The following LCN2 variants were observed in gnomAD, a reference collection of about 807,000 sequenced individuals.
LCN2 encodes the protein lipocalin 2.
A neutral mutation model predicts 26.4 loss-of-function variants in LCN2; 27 were observed. That is an observed-to-expected ratio of 1.02 (90% CI 0.76 to 1.41). The LOEUF (loss-of-function observed/expected upper bound fraction) is 1.41. Among genes scored for constraint, LCN2 ranks in the 40% most tolerant of loss-of-function variants. The probability of loss-of-function intolerance (pLI) is 0.00; values close to 1 mark genes in which losing one functional copy is unlikely to be tolerated. For missense variants in LCN2, 224 were observed against 237.6 expected, an observed-to-expected ratio of 0.94 and a Z score of 0.38; for synonymous variants, 94 against 98.9, an observed-to-expected ratio of 0.95 and a Z score of 0.30.
chr9:128,151,741 A>C (rs1835008547), intron 3 of LCN2, 24 bp downstream of exon 3: 1 of 1,609,140 alleles, frequency 6.2e-7, no homozygotes, highest in Non-Finnish European at 8.5e-7. Context: ...GAGGTGGGGC[A>C]CTGAGTTGGG....
chr9:128,151,530 G>A, intron 2 of LCN2, 108 bp from the exon 3 acceptor site: 1 of 869,476 alleles, frequency 1.2e-6, no homozygotes, highest in Non-Finnish European at 1.9e-6. Context: ...GGTTGGGCCG[G>A]ACTGAGAGCA....
chr9:128,150,301 C>A lies in LCN2; in HGVS notation c.202C>A (p.Pro68Thr), dbSNP rs1443597065. The change falls in exon 2 of 7, where the codon CCG becomes ACG. Residue 68 changes from proline to threonine, a missense_variant. Pro to Thr is a conservative substitution (Grantham distance 38). Transcript: ENST00000277480. ...GNAILREDKD[P>T]QKMYATIYEL... ...TGCAATTCTCAGAGAAGACAAAGAC[C>A]CGCAAAAGATGTATGCCACCATCTA... The A allele has an allele frequency of 6.2e-7, 1 of 1,614,140 alleles. No homozygotes were observed. The highest frequency in any genetic ancestry group is 2.2e-5 in the East Asian group (1 of 44,884).
intron 1 of LCN2, 46 bp from the exon 2 acceptor site, chr9:128,150,192 C>A: frequency 1.3e-6 from 2 of 1,587,676 alleles, no homozygotes; most frequent in Non-Finnish European, 1.7e-6. Context: ...GGAGGGGTGG[C>A]TCCTAGGGCC....
In LCN2 at chr9:128,151,703, T is replaced by C. The variant is rs1835008115; in HGVS notation, c.341T>C (p.Leu114Pro). 2.5e-6 allele frequency: 4 copies of C among 1,613,868 alleles called. No individual in the cohort carries two copies. The Admixed American group carries it at 5.0e-5, about 20-fold the overall frequency. ...GGTTGCCAGCCCGGCGAGTTCACGC[T>C]GGGCAACATTAAGAGTGAGTCTTGA... ...VPGCQPGEFT[L>P]GNIKSYPGLT... The change falls in exon 3 of 7, where the codon CTG becomes CCG. Residue 114 changes from leucine to proline, a missense_variant. Coordinates refer to ENST00000277480, the MANE Select transcript of LCN2 (RefSeq NM_005564.5).
At position 128,151,618 on chromosome 9, in the gene LCN2, AC is replaced by A; in HGVS notation, c.276-17del. The A allele has an allele frequency of 1.2e-6, 2 of 1,608,638 alleles. No homozygotes were observed. Among genetic ancestry groups the A allele is most frequent in the Non-Finnish European group, 1.7e-6 (2 of 1,175,128 alleles). ...GCCTGGGTTGTCTCCCCTCTCACCC[AC>A]CCATCTCTCCCTCCCAAGGAAAAAG... is the stretch of plus-strand genomic sequence containing the variant. On this transcript the variant is annotated intron_variant, in intron 2 of 6. Transcript: ENST00000277480.
rs753351309 is a variant in LCN2, at chr9:128,151,690, G to A, written c.328G>A (p.Gly110Ser). 4.2e-5 allele frequency: 67 copies of A among 1,613,962 alleles called. No individual in the cohort carries two copies. The highest frequency in any genetic ancestry group is 5.5e-5 in the South Asian group (5 of 91,080). Residue 110 changes from glycine (G) to serine (S), a missense_variant, in exon 3 of 7, where the codon GGC becomes AGC. By Grantham distance (56) the Gly-to-Ser change is moderately conservative. Coordinates refer to ENST00000277480, the MANE Select transcript of LCN2 (RefSeq NM_005564.5). ...GACTTTTGTTCCAGGTTGCCAGCCC[G>A]GCGAGTTCACGCTGGGCAACATTAA... ...IRTFVPGCQP[G>S]EFTLGNIKSY...
intron 5 of LCN2, 74 bp downstream of exon 5, chr9:128,152,358 G>A: frequency 1.6e-6 from 2 of 1,290,210 alleles, no homozygotes; most frequent in South Asian, 2.4e-5. Context: ...CCAGGGATCA[G>A]GGAGAGGAGG....
chr9:128,151,330 G>T, intron 2 of LCN2: 1 of 563,784 alleles, frequency 1.8e-6, no homozygotes. Context: ...GGGTGGCGGG[G>T]GGGGTGAAAG....
At chr9:128,149,949 T>A (rs527812476) in intron 1 of LCN2, among the ~76,000 whole-genome samples, 1 of 150,954 alleles carries the variant, frequency 6.6e-6, no homozygotes. Flanking sequence ...CCTGCACAGA[T>A]GAGGAAACTG....
Position 128,151,944 on chromosome 9 carries a change from A to G in LCN2, c.394A>G (p.Ser132Gly). The G allele has an allele frequency of 6.2e-7, 1 of 1,614,116 alleles. No individual in the cohort carries two copies. ...AACGAGTTACCTCGTCCGAGTGGTG[A>G]GCACCAACTACAACCAGCATGCTAT... Reference protein sequence around the residue: ...GLTSYLVRVVSTNYNQHAMVF... With the variant: ...GLTSYLVRVVGTNYNQHAMVF... Residue 132 changes from serine (S) to glycine (G), a missense_variant, in exon 4 of 7, where the codon AGC (serine) becomes GGC (glycine). Coordinates refer to ENST00000277480, the MANE Select transcript of LCN2 (RefSeq NM_005564.5).
chr9:128,152,043 C>T lies in LCN2; in HGVS notation c.475+18C>T. ...CCTCTACGGTGGGTCCTCTCCCATC[C>T]CCTCGGGGACTGGCTCCTGATCACA... On this transcript the variant is annotated intron_variant, in intron 4 of 6. Transcript: ENST00000277480. 2 of 1,613,948 alleles carry T rather than the reference C, an allele frequency of 1.2e-6. No individual in the cohort carries two copies. Among genetic ancestry groups the T allele is most frequent in the Non-Finnish European group, 1.7e-6 (2 of 1,179,900 alleles).
chr9:128,149,684 C>T (rs949339801), intron 1 of LCN2, 21 bp downstream of exon 1: 7 of 1,613,330 alleles, frequency 4.3e-6, no homozygotes, highest in African/African-American at 1.3e-5. Context: ...AAGAGGGGCA[C>T]CTGCAGGCAG....
chr9:128,151,884 C>T, intron 3 of LCN2, 22 bp from the exon 4 acceptor site: 1 of 1,613,758 alleles, frequency 6.2e-7, no homozygotes, highest in Admixed American at 1.7e-5. Flanking sequence ...CAGGGCTGAC[C>T]CCTCACCGTC....
intron 1 of LCN2, 148 bp downstream of exon 1, chr9:128,149,811 C>G (rs900950542): frequency 1.1e-6 from 1 of 923,458 alleles, no homozygotes; most frequent in African/African-American, 1.7e-5. Flanking sequence ...CCACCAGGGT[C>G]CCCTGGTGGA....
intron 5 of LCN2, 119 bp from the exon 6 acceptor site, chr9:128,152,981 T>A: frequency 7.0e-7 from 1 of 1,420,250 alleles, no homozygotes; most frequent in Non-Finnish European, 9.9e-7. Context: ...CTGGGCCAGG[T>A]GGGGCAGGGG....
rs765754849 is a variant in LCN2 at position 128,151,971 on chromosome 9, G to A, written c.421G>A (p.Val141Met). 3 of 1,614,128 alleles carry A rather than the reference G, an allele frequency of 1.9e-6. No homozygotes were observed. In the East Asian group the frequency reaches 6.7e-5, roughly 36 times the overall value. ...CACCAACTACAACCAGCATGCTATGGTGTTCTTCAAGAAAGTTTCTCAAAA... is the reference window on the plus strand; with the variant it reads ...CACCAACTACAACCAGCATGCTATGATGTTCTTCAAGAAAGTTTCTCAAAA... ...VSTNYNQHAM[V>M]FFKKVSQNRE... is the part of the protein sequence containing the mutation. Residue 141 changes from valine to methionine, a missense_variant, in exon 4 of 7, where the codon GTG (valine) becomes ATG (methionine). Physicochemically the swap from Val to Met is conservative, Grantham distance 21. Coordinates refer to ENST00000277480, the MANE Select transcript of LCN2 (RefSeq NM_005564.5).
chr9:128,152,651 G>A (rs533178802), intron 5 of LCN2, among the ~76,000 whole-genome samples: 1 of 152,080 alleles, frequency 6.6e-6, no homozygotes, highest in South Asian at 2.1e-4. Context: ...CCCAGGCCTC[G>A]TCACCCTGGG....
At position 128,150,271 on chromosome 9, in the gene LCN2, G is replaced by C. The variant is rs1426620149; in HGVS notation, c.172G>C (p.Gly58Arg). The stretch of plus-strand genomic sequence containing the variant: ...GAAGTGGTATGTGGTAGGCCTGGCA[G>C]GGAATGCAATTCTCAGAGAAGACAA... ...QGKWYVVGLA[G>R]NAILREDKDP... is the part of the protein sequence containing the mutation. Residue 58 changes from glycine (G) to arginine (R), a missense_variant, in exon 2 of 7, where the codon GGG becomes CGG. Transcript: ENST00000277480. 1 of 1,614,174 alleles carries C rather than the reference G, an allele frequency of 6.2e-7. No individual in the cohort carries two copies. Among genetic ancestry groups the C allele is most frequent in the Admixed American group, 1.7e-5 (1 of 60,028 alleles).
In LCN2 at chr9:128,153,120, G is replaced by C; in HGVS notation, c.*1G>C. 6.2e-7 allele frequency: 1 copy of C among 1,614,116 alleles called. No homozygotes were observed. The highest frequency in any genetic ancestry group is 1.7e-4 in the Middle Eastern group (1 of 6,060). ...AACAGACCAGTGTATCGACGGCTGA[G>C]TGCACAGTGAGTGTGGCTGGGCGGC... On this transcript the variant is annotated 3_prime_UTR_variant, in exon 6 of 7. Transcript: ENST00000277480. This position sits in a 1 kb window ranked among gnomAD's most constrained non-coding sequence, Gnocchi z 5.4.
Sources: gnomAD v4.1 joint callset for allele counts (sites outside exome capture counted in the v4.1 genomes callset) on GRCh38, gnomAD v4.1.1 for gene constraint, Gnocchi (gnomAD v3.1) non-coding constraint, MANE v1.5 for transcripts, NCBI Gene and HGNC (gene_info 2026-07-23, HGNC 2026-07-21) for gene names.